The following FBXL7 variants were observed in gnomAD, a reference collection of about 807,000 sequenced individuals.
FBXL7 encodes the protein F-box and leucine rich repeat protein 7.
A neutral mutation model predicts 38.3 loss-of-function variants in FBXL7; 12 were observed. The ratio of observed to expected loss-of-function variants is 0.31; its 90% CI spans 0.20 to 0.51. The LOEUF is 0.51. Ranked by LOEUF, FBXL7 falls within the 20% of genes least tolerant of loss-of-function variation. The probability of loss-of-function intolerance (pLI) is 0.98; values close to 1 mark genes in which losing one functional copy is unlikely to be tolerated. For synonymous variants in FBXL7, 297 were observed against 300.9 expected (o/e 0.99, Z 0.13); for missense variants, 567 against 676.4 (o/e 0.84, Z 1.79).
chr5:15,928,122 C>A lies in FBXL7; in HGVS notation c.360C>A (p.His120Gln). The change falls in exon 3 of 4, where the codon CAC (histidine) becomes CAA (glutamine). Residue 120 changes from histidine to glutamine, a missense_variant. By Grantham distance (24) the His-to-Gln change is conservative. Transcript: ENST00000504595. The surrounding 1 kb of genome is among the most constrained non-coding windows in gnomAD (Gnocchi z 4.0). ...CCAGCATAGACCGGCTCCCGGACCA[C>A]TCCATGGTGCAGATCTTCTCCTTCC... The part of the protein sequence containing the change: ...EQASIDRLPD[H>Q]SMVQIFSFLP... The A allele has an allele frequency of 6.2e-7, 1 of 1,611,980 alleles. No individual in the cohort carries two copies. Among genetic ancestry groups the A allele is most frequent in the South Asian group, 1.1e-5 (1 of 90,878 alleles).
chr5:15,805,592 A>T (rs1372541706), intron 2 of FBXL7, among the ~76,000 whole-genome samples: 1 of 152,172 alleles, frequency 6.6e-6, no homozygotes, highest in African/African-American at 2.4e-5. Context: ...CCTATTTTAG[A>T]AGTCTATAAA....
intron 2 of FBXL7, among the ~76,000 whole-genome samples, chr5:15,623,078 A>G (rs1740705832): frequency 6.6e-6 from 1 of 152,230 alleles, no homozygotes; most frequent in African/African-American, 2.4e-5. Flanking sequence ...CGATCAAATT[A>G]GAAAAAACAT....
At chr5:15,527,098 T>G (rs775346859) in intron 1 of FBXL7, among the ~76,000 whole-genome samples, 1 of 152,346 alleles carries the variant, frequency 6.6e-6, no homozygotes, top group African/African-American at 2.4e-5. Flanking sequence ...ACACCTAGAA[T>G]AGAAAACGTA....
At chr5:15,615,615 G>T (rs1740419739) in intron 1 of FBXL7, among the ~76,000 whole-genome samples, 1 of 152,168 alleles carries the variant, frequency 6.6e-6, no homozygotes, top group South Asian at 2.1e-4. Flanking sequence ...CCTTTACTGA[G>T]AAATGCATAA....
intron 2 of FBXL7, among the ~76,000 whole-genome samples, chr5:15,861,393 C>T (rs1342801864): frequency 2.0e-5 from 3 of 152,340 alleles, no homozygotes; most frequent in African/African-American, 7.2e-5. Flanking sequence ...CCCTCTCTTG[C>T]TCAGCCACCT....
At chr5:15,720,288 T>C (rs1049674836) in intron 2 of FBXL7, among the ~76,000 whole-genome samples, 2 of 148,782 alleles carry the variant, frequency 1.3e-5, no homozygotes, top group Non-Finnish European at 3.0e-5. Flanking sequence ...TCTGAAAACA[T>C]TATTCAAGGA....
In FBXL7 at chr5:15,765,681, T is replaced by C. The variant is rs372523432; in HGVS notation, c.127+149609T>C. On this transcript the variant is annotated intron_variant, in intron 2 of 3. Coordinates refer to ENST00000504595, the MANE Select transcript of FBXL7 (RefSeq NM_012304.5). ...CTGAGCTCTAGGGTAAGTGGCACCA[T>C]GCTTCCTCCCACCAACAATAATGCC... Among the ~76,000 whole-genome samples the C allele has an allele frequency of 4.7e-4, 72 of 152,296 alleles. 1 individual carries two copies. Among genetic ancestry groups the C allele is most frequent in the African/African-American group, 1.6e-3 (68 of 41,568 alleles).
At chr5:15,505,588 C>T (rs989585239) in intron 1 of FBXL7, among the ~76,000 whole-genome samples, 5 of 152,088 alleles carry the variant, frequency 3.3e-5, no homozygotes, top group Admixed American at 1.3e-4. Flanking sequence ...CACAGTAATT[C>T]AGTAAACCAT....
At chr5:15,859,202 A>G (rs559789805) in intron 2 of FBXL7, among the ~76,000 whole-genome samples, 66 of 152,250 alleles carry the variant, frequency 4.3e-4, no homozygotes, top group Non-Finnish European at 8.7e-4. Flanking sequence ...CAAGAGAGAA[A>G]GTGAACTGGG....
chr5:15,879,926 G>A (rs1740369037), intron 2 of FBXL7, among the ~76,000 whole-genome samples: 1 of 152,018 alleles, frequency 6.6e-6, no homozygotes, highest in Admixed American at 6.6e-5. Context: ...CTGGTTCTGA[G>A]TTTTCAAGCA....
At chr5:15,590,085 T>C (rs1739426103) in intron 1 of FBXL7, among the ~76,000 whole-genome samples, 2 of 152,130 alleles carry the variant, frequency 1.3e-5, no homozygotes, top group Admixed American at 6.5e-5. Flanking sequence ...TGGGAGTAAA[T>C]GGTGTTAGGA....
chr5:15,927,764 TAAAAA>T lies in FBXL7; in HGVS notation c.128-107_128-103del, dbSNP rs753935096. ...CACTCCCGCCTGGGCGACAAGATCTTAAAAAAAAAAAAAAAAAAAAAAAGAAGAAG... is the reference window on the plus strand; with the variant it reads ...CACTCCCGCCTGGGCGACAAGATCTTAAAAAAAAAAAAAAAAAAGAAGAAG... On this transcript the variant is annotated intron_variant, in intron 2 of 3. Transcript: ENST00000504595. 2,194 of 456,128 alleles carry T rather than the reference TAAAAA, an allele frequency of 4.8e-3. 5 individuals carry two copies. Among genetic ancestry groups the T allele is most frequent in the African/African-American group, 0.024 (662 of 27,390 alleles). 28.3% of individuals were successfully genotyped at this position (456,128 alleles called of 1,614,324 possible).
chr5:15,698,990 C>A (rs938350630), intron 2 of FBXL7, among the ~76,000 whole-genome samples: 1 of 152,060 alleles, frequency 6.6e-6, no homozygotes, highest in Non-Finnish European at 1.5e-5. Context: ...TTTCTTTTTT[C>A]TTTTCTTTTT....
chr5:15,935,127 G>T (rs1742142331), intron 3 of FBXL7: 2 of 532,538 alleles, frequency 3.8e-6, no homozygotes, highest in Non-Finnish European at 7.7e-6. Context: ...GAAATGACAA[G>T]CAGGCCAGTG....
At chr5:15,818,729 TGTGTGTGTGTGTGTGAGAGA>T (rs1263792398) in intron 2 of FBXL7, among the ~76,000 whole-genome samples, 8 of 91,912 alleles carry the variant, frequency 8.7e-5, no homozygotes, top group Non-Finnish European at 1.6e-4. Context: ...TGTGTGTGTG[TGTGTGTGTGTGTGTGAGAGA>T]GAGAGAGATT....
chr5:15,653,593 A>C (rs1741778013), intron 2 of FBXL7, among the ~76,000 whole-genome samples: 1 of 152,196 alleles, frequency 6.6e-6, no homozygotes, highest in Non-Finnish European at 1.5e-5. Context: ...TCAAATATTT[A>C]CCAGTTATTT....
Position 15,938,958 on chromosome 5 carries a change from T to C in FBXL7, c.*1772T>C, listed in dbSNP as rs1247911198. 1.0e-5 allele frequency: 4 copies of C among 398,960 alleles called. No individual in the cohort carries two copies. Among genetic ancestry groups the C allele is most frequent in the African/African-American group, 2.1e-5 (1 of 48,634 alleles). The allele number at this position is 398,960 out of a possible 1,614,324, so 24.7% of individuals were successfully genotyped here. On this transcript the variant is annotated 3_prime_UTR_variant, in exon 4 of 4. Coordinates refer to ENST00000504595, the MANE Select transcript of FBXL7 (RefSeq NM_012304.5). ...TATTTTCTTCTCAAAATGCCCATTA[T>C]CCAAATGCAGAACCTCTGCATCTCC...
intron 2 of FBXL7, among the ~76,000 whole-genome samples, chr5:15,744,190 T>C (rs1023059162): frequency 3.3e-5 from 5 of 152,180 alleles, no homozygotes; most frequent in African/African-American, 1.2e-4. Flanking sequence ...CCCTGGAAAA[T>C]AGGTTTTTAT....
chr5:15,502,455 C>T (rs1181286613), intron 1 of FBXL7, among the ~76,000 whole-genome samples: 1 of 152,184 alleles, frequency 6.6e-6, no homozygotes, highest in African/African-American at 2.4e-5. Flanking sequence ...TGCATTTTCA[C>T]TTCAGCCGAA....
Sources: gnomAD v4.1 joint callset for allele counts (sites outside exome capture counted in the v4.1 genomes callset) on GRCh38, gnomAD v4.1.1 for gene constraint, Gnocchi (gnomAD v3.1) non-coding constraint, MANE v1.5 for transcripts, NCBI Gene and HGNC (gene_info 2026-07-23, HGNC 2026-07-21) for gene names.